Variants in BABAM2 observed in about 807,000 individuals in gnomAD.
The protein encoded by BABAM2 is BRISC and BRCA1 A complex member 2.
A neutral mutation model predicts 54.7 loss-of-function variants in BABAM2; 31 were observed. The ratio of observed to expected loss-of-function variants is 0.57; its 90% CI spans 0.43 to 0.77. The LOEUF (loss-of-function observed/expected upper bound fraction) is 0.77, where lower values mean the gene tolerates loss of function less well. Among genes scored for constraint, BABAM2 ranks in the 30% least tolerant of loss-of-function variants. BABAM2 has a pLI of 0.00. For missense variants in BABAM2, 364 were observed against 455.8 expected (o/e 0.80, Z 1.83); for synonymous variants, 167 against 162.9 (o/e 1.03, Z -0.19).
Position 28,025,405 on chromosome 2 carries a change from GA to G in BABAM2, c.488del (p.Asn163ThrfsTer13). On this transcript the variant is annotated frameshift_variant, in exon 5 of 12. Coordinates refer to ENST00000379624, the MANE Select transcript of BABAM2 (RefSeq NM_199191.3). LOFTEE classifies it high-confidence loss of function. ...GAGAGAACATGGAAATTTATGCTGG[GA>G]AAAAAAACAACTGGGTAAGGATTTT... ...YGENMEIYAG[K>X]KNNWTGEFSA... The G allele has an allele frequency of 3.3e-6, 5 of 1,504,206 alleles. No homozygotes were observed. Among genetic ancestry groups the G allele is most frequent in the Non-Finnish European group, 4.4e-6 (5 of 1,127,922 alleles). 93.2% of individuals were successfully genotyped at this position (1,504,206 alleles called of 1,614,324 possible). A position where few individuals can be genotyped will look rare whatever the true frequency, so the allele number is the denominator to read the frequency against.
intron 2 of BABAM2, among the ~76,000 whole-genome samples, chr2:27,907,698 C>T (rs1280697661): frequency 3.3e-5 from 5 of 152,160 alleles, no homozygotes; most frequent in Non-Finnish European, 7.4e-5. Flanking sequence ...TTTCCCCCAG[C>T]TACTGGCAGC....
At chr2:28,324,543 G>A (rs1448753404) in intron 11 of BABAM2, among the ~76,000 whole-genome samples, 5 of 152,018 alleles carry the variant, frequency 3.3e-5, no homozygotes, top group Admixed American at 6.6e-5. Context: ...GGAGGCTGAG[G>A]CAGGAGGATC....
At chr2:28,126,038 G>A (rs1432676832) in intron 6 of BABAM2, among the ~76,000 whole-genome samples, 1 of 152,216 alleles carries the variant, frequency 6.6e-6, no homozygotes, top group African/African-American at 2.4e-5. Flanking sequence ...ACCTTGAAAA[G>A]TGGGGGTGAG....
chr2:27,965,434 A>C (rs890675111), intron 3 of BABAM2, among the ~76,000 whole-genome samples: 1 of 152,180 alleles, frequency 6.6e-6, no homozygotes, highest in Non-Finnish European at 1.5e-5. Flanking sequence ...CTCATGGTCA[A>C]TTCTATTTCA....
At chr2:28,039,511 C>T (rs531454415) in intron 5 of BABAM2, among the ~76,000 whole-genome samples, 17 of 152,330 alleles carry the variant, frequency 1.1e-4, no homozygotes, top group Non-Finnish European at 2.5e-4. Flanking sequence ...CAGTTTGTCA[C>T]CCAGCTAAAG....
At chr2:28,238,111 A>G (rs1225220479) in intron 8 of BABAM2, among the ~76,000 whole-genome samples, 2 of 152,018 alleles carry the variant, frequency 1.3e-5, no homozygotes, top group African/African-American at 4.8e-5. Flanking sequence ...CAGCCTCCCA[A>G]AGTGCTGGGA....
chr2:28,151,258 G>A (rs1197988338), intron 7 of BABAM2, among the ~76,000 whole-genome samples: 1 of 152,152 alleles, frequency 6.6e-6, no homozygotes, highest in Non-Finnish European at 1.5e-5. Flanking sequence ...CTCCTCTTGA[G>A]GCATTGAATA....
intron 11 of BABAM2, among the ~76,000 whole-genome samples, chr2:28,319,282 G>C (rs867500633): frequency 1.3e-5 from 2 of 152,178 alleles, no homozygotes; most frequent in East Asian, 1.9e-4. Context: ...CAAAGAAAAG[G>C]CTCCCCCTTT....
intron 7 of BABAM2, among the ~76,000 whole-genome samples, chr2:28,169,552 G>A (rs1274175447): frequency 6.6e-6 from 1 of 152,102 alleles, no homozygotes; most frequent in Non-Finnish European, 1.5e-5. Context: ...CAAGCTGGGA[G>A]GATCACTTGA....
intron 4 of BABAM2, among the ~76,000 whole-genome samples, chr2:27,992,011 G>T (rs999850427): frequency 6.6e-6 from 1 of 152,112 alleles, no homozygotes; most frequent in Admixed American, 6.6e-5. Flanking sequence ...CACATTCTCA[G>T]CAACACTTGC....
chr2:28,279,246 C>A (rs72857125), intron 10 of BABAM2, among the ~76,000 whole-genome samples: 1 of 152,090 alleles, frequency 6.6e-6, no homozygotes, highest in Non-Finnish European at 1.5e-5. Context: ...GGTGAATAGG[C>A]GGCTTGGGAG....
chr2:28,230,161 T>C (rs116574682), intron 7 of BABAM2, among the ~76,000 whole-genome samples: 19 of 152,336 alleles, frequency 1.2e-4, no homozygotes, highest in African/African-American at 4.6e-4. Context: ...CAGGTCTGAA[T>C]TGATGCTTCC....
intron 7 of BABAM2, among the ~76,000 whole-genome samples, chr2:28,171,873 A>T (rs1674359778): frequency 6.6e-6 from 1 of 152,182 alleles, no homozygotes; most frequent in Non-Finnish European, 1.5e-5. Context: ...TTTAAAATTA[A>T]TTTCATTTTC....
At chr2:28,039,376 A>G (rs1238930048) in intron 5 of BABAM2, among the ~76,000 whole-genome samples, 2 of 152,220 alleles carry the variant, frequency 1.3e-5, no homozygotes, top group African/African-American at 4.8e-5. Flanking sequence ...TAAATTATAA[A>G]ATTCTAGTTA....
intron 6 of BABAM2, among the ~76,000 whole-genome samples, chr2:28,114,062 A>T (rs1387677303): frequency 6.6e-6 from 1 of 152,222 alleles, no homozygotes; most frequent in Non-Finnish European, 1.5e-5. Context: ...CAAAGCCAAT[A>T]TCACACTGAA....
chr2:28,227,004 T>A (rs1680948176), intron 7 of BABAM2, among the ~76,000 whole-genome samples: 1 of 152,120 alleles, frequency 6.6e-6, no homozygotes, highest in Non-Finnish European at 1.5e-5. Flanking sequence ...GGGGCAGGGT[T>A]GCTTGTGAGC....
chr2:28,163,949 A>T (rs1673364699), intron 7 of BABAM2, among the ~76,000 whole-genome samples: 1 of 152,204 alleles, frequency 6.6e-6, no homozygotes. Context: ...CACCTCTTAG[A>T]AACTATCAGG....
intron 7 of BABAM2, among the ~76,000 whole-genome samples, chr2:28,206,962 G>A (rs1267555530): frequency 6.6e-6 from 1 of 152,172 alleles, no homozygotes; most frequent in Non-Finnish European, 1.5e-5. Context: ...CTGGCTGTGT[G>A]CCAAGCACAG....
chr2:28,107,892 A>G (rs1385982085), intron 6 of BABAM2, among the ~76,000 whole-genome samples: 2 of 152,222 alleles, frequency 1.3e-5, no homozygotes, highest in Non-Finnish European at 2.9e-5. Flanking sequence ...GCTGGCCCCA[A>G]ACTTATACTC....
Sources: gnomAD v4.1 joint callset for allele counts (sites outside exome capture counted in the v4.1 genomes callset) on GRCh38, gnomAD v4.1.1 for gene constraint, MANE v1.5 for transcripts, NCBI Gene and HGNC (gene_info 2026-07-23, HGNC 2026-07-21) for gene names.